GCFC2: variants seen among roughly 807,000 people sequenced by gnomAD.
GCFC2 encodes the protein intron Large complex component GCFC2.
Under a neutral mutation model 99.4 loss-of-function variants are expected in GCFC2, and 102 were observed. That is an observed-to-expected ratio of 1.03 (90% confidence interval 0.87 to 1.21). The LOEUF is 1.21. Ranked by LOEUF, GCFC2 falls within the 50% of genes most tolerant of loss-of-function variation. The pLI is 0.00. For missense variants in GCFC2, 973 were observed against 920.9 expected, an observed-to-expected ratio of 1.06 and a Z score of -0.73; for synonymous variants, 338 against 316.8, an observed-to-expected ratio of 1.07 and a Z score of -0.71.
intron 2 of GCFC2, among the ~76,000 whole-genome samples, chr2:75,705,635 A>AAAAG (rs1229249532): frequency 6.6e-6 from 1 of 151,002 alleles, no homozygotes; most frequent in Non-Finnish European, 1.5e-5. Flanking sequence ...AAAAAAAAAA[A>AAAAG]AAGAAGCACA....
intron 12 of GCFC2, among the ~76,000 whole-genome samples, chr2:75,679,544 A>C (rs1679480004): frequency 2.6e-5 from 4 of 152,250 alleles, no homozygotes. Context: ...TCATTGTAAG[A>C]TTAAGATCTG....
At chr2:75,676,166 A>G (rs1388417444) in intron 12 of GCFC2, among the ~76,000 whole-genome samples, 1 of 152,218 alleles carries the variant, frequency 6.6e-6, no homozygotes, top group Admixed American at 6.5e-5. Context: ...TAAAAAAGAA[A>G]AAACAAAAAA....
chr2:75,711,943 A>G (rs1315677980), upstream of GCFC2, among the ~76,000 whole-genome samples: 1 of 152,230 alleles, frequency 6.6e-6, no homozygotes, highest in African/African-American at 2.4e-5. Flanking sequence ...CGACCACCCA[A>G]GGGCTGAGGA....
At chr2:75,665,615 T>G (rs1558727483) in intron 16 of GCFC2, among the ~76,000 whole-genome samples, 1 of 152,164 alleles carries the variant, frequency 6.6e-6, no homozygotes. Flanking sequence ...AACTGTTGAG[T>G]CTCTAAAAAT....
intron 10 of GCFC2, 58 bp from the exon 11 acceptor site, chr2:75,688,035 A>C: frequency 9.5e-7 from 1 of 1,051,064 alleles, no homozygotes; most frequent in East Asian, 2.6e-5. Context: ...TGTATTTTTA[A>C]ATAGTTATTA....
At chr2:75,688,886 A>C (rs563395007) in intron 10 of GCFC2, 140 bp downstream of exon 10, 1 of 567,310 alleles carries the variant, frequency 1.8e-6, no homozygotes, top group African/African-American at 2.0e-5. Flanking sequence ...CCGAAAGCAC[A>C]CATTTTCTGA....
intron 6 of GCFC2, among the ~76,000 whole-genome samples, chr2:75,692,681 G>C (rs2104356336): frequency 6.6e-6 from 1 of 152,034 alleles, no homozygotes; most frequent in African/African-American, 2.4e-5. Context: ...AAATGGGATG[G>C]AGTCAGGAAC....
chr2:75,684,226 G>T (rs1427044166), intron 11 of GCFC2, among the ~76,000 whole-genome samples: 2 of 152,080 alleles, frequency 1.3e-5, no homozygotes, highest in Non-Finnish European at 2.9e-5. Flanking sequence ...CACATAATTG[G>T]AAGTAAAACA....
chr2:75,702,250 G>A lies in GCFC2; in HGVS notation c.568C>T (p.Pro190Ser). ...SEPDDHEKRI[P>S]FTLRPQTLRQ... Reference sequence around the variant, plus strand: ...AGTGTTTGAGGTCTTAGAGTAAATGGTATTCTCTTTTCATGGTCATCAGGC... The same window carrying A: ...AGTGTTTGAGGTCTTAGAGTAAATGATATTCTCTTTTCATGGTCATCAGGC... Residue 190 changes from proline (P) to serine (S), a missense_variant, in exon 3 of 17, where the codon CCA (proline) becomes TCA (serine). Pro to Ser is a moderately conservative substitution (Grantham distance 74). Transcript: ENST00000321027. The A allele has an allele frequency of 1.2e-6, 2 of 1,611,124 alleles. No individual in the cohort carries two copies. The highest frequency in any genetic ancestry group is 1.7e-6 in the Non-Finnish European group (2 of 1,177,296).
rs1680062214 is a variant in GCFC2, at chr2:75,691,392, T to C, written c.1144+585A>G. On this transcript the variant is annotated intron_variant, in intron 7 of 16. Coordinates refer to ENST00000321027, the MANE Select transcript of GCFC2 (RefSeq NM_003203.5). ...AGATTAGAGGGATTACTGTATTCTA[T>C]TCATATTATTTCTTATTTTAATACG... is the stretch of plus-strand genomic sequence containing the variant. Among the ~76,000 whole-genome samples, 6 of 152,294 alleles carry C rather than the reference T, an allele frequency of 3.9e-5. No individual in the cohort carries two copies. The South Asian group carries it at 1.2e-3, about 32-fold the overall frequency.
intron 10 of GCFC2, 21 bp from the exon 11 acceptor site, chr2:75,687,998 A>C: frequency 6.8e-7 from 1 of 1,464,478 alleles, no homozygotes. Context: ...AAATTACAAA[A>C]GTTATAAAGA....
At chr2:75,684,434 A>G (rs1458409402) in intron 11 of GCFC2, among the ~76,000 whole-genome samples, 1 of 152,234 alleles carries the variant, frequency 6.6e-6, no homozygotes, top group Non-Finnish European at 1.5e-5. Context: ...AAACCATGAG[A>G]ACAAACACAC....
At position 75,662,724 on chromosome 2, in the gene GCFC2, T is replaced by C. The variant is rs1258220973; in HGVS notation, c.*1942A>G. On this transcript the variant is annotated 3_prime_UTR_variant, in exon 17 of 17. Coordinates refer to ENST00000321027, the MANE Select transcript of GCFC2 (RefSeq NM_003203.5). ...AGTCAATTTGTAGTTTTGAAAGCAG[T>C]TTTAATATTTTATCTTCCACAAAAA... The C allele has an allele frequency of 6.6e-6, 1 of 152,106 alleles. No homozygotes were observed. The highest frequency in any genetic ancestry group is 1.5e-5 in the Non-Finnish European group (1 of 67,984). The allele number at this position is 152,106 out of a possible 1,614,324, so 9.4% of individuals were successfully genotyped here.
chr2:75,689,967 A>G lies in GCFC2; in HGVS notation c.1339+2T>C, dbSNP rs1014786916. On this transcript the variant is annotated splice_donor_variant, in intron 9 of 16. Transcript: ENST00000321027. LOFTEE classifies it high-confidence loss of function. ...TGATATATTAGAAACTTGGTAACTG[A>G]CCTTGGCTTTTTTGGAAGTCAATCA... 6.6e-7 allele frequency: 1 copy of G among 1,518,762 alleles called. No homozygotes were observed. Among genetic ancestry groups the G allele is most frequent in the Non-Finnish European group, 9.1e-7 (1 of 1,100,816 alleles). 94.1% of individuals were successfully genotyped at this position (1,518,762 alleles called of 1,614,324 possible).
In GCFC2 at chr2:75,663,250, C is replaced by A. The variant is rs1678692502; in HGVS notation, c.*1416G>T. The A allele has an allele frequency of 6.6e-6, 1 of 152,088 alleles. No homozygotes were observed. The highest frequency in any genetic ancestry group is 1.5e-5 in the Non-Finnish European group (1 of 67,998). The allele number at this position is 152,088 out of a possible 1,614,324, so 9.4% of individuals were successfully genotyped here. A position where few individuals can be genotyped will look rare whatever the true frequency, so the allele number is the denominator to read the frequency against. On this transcript the variant is annotated 3_prime_UTR_variant, in exon 17 of 17. Coordinates refer to ENST00000321027, the MANE Select transcript of GCFC2 (RefSeq NM_003203.5). ...AAGTAGGCTGTATATTCAAATCCTACAATATATTCAATTTTTTCCAATTAT... is the reference window on the plus strand; with the variant it reads ...AAGTAGGCTGTATATTCAAATCCTAAAATATATTCAATTTTTTCCAATTAT...
At chr2:75,695,226 T>C (rs1225369535) in intron 5 of GCFC2, among the ~76,000 whole-genome samples, 1 of 152,154 alleles carries the variant, frequency 6.6e-6, no homozygotes, top group Non-Finnish European at 1.5e-5. Context: ...TATGTTTACA[T>C]ATTGTCTATG....
rs532221965 is a variant in GCFC2, at chr2:75,706,554, G to A, written c.363C>T (p.Ser121=). Reference sequence around the variant, plus strand: ...ATGAAAGTTCTTTTTCTCCAAGAGAGCTAGAACTGTCAGAAGACAAACCCT... The same window carrying A: ...ATGAAAGTTCTTTTTCTCCAAGAGAACTAGAACTGTCAGAAGACAAACCCT... ...DDQGLSSDSS[S]SLGEKELSST... is the part of the protein sequence containing the mutation. The change falls in exon 2 of 17, where the codon AGC becomes AGT. Residue 121 remains serine, a synonymous_variant. Coordinates refer to ENST00000321027, the MANE Select transcript of GCFC2 (RefSeq NM_003203.5). The A allele has an allele frequency of 1.2e-6, 2 of 1,603,604 alleles. No individual in the cohort carries two copies. The highest frequency in any genetic ancestry group is 2.2e-5 in the East Asian group (1 of 44,732).
At chr2:75,671,032 C>T (rs1457287262) in intron 14 of GCFC2, among the ~76,000 whole-genome samples, 3 of 152,152 alleles carry the variant, frequency 2.0e-5, no homozygotes, top group Non-Finnish European at 4.4e-5. Context: ...TCACCTATAT[C>T]CTTCTAATTG....
At chr2:75,695,523 G>A (rs1037024733) in intron 5 of GCFC2, among the ~76,000 whole-genome samples, 5 of 151,946 alleles carry the variant, frequency 3.3e-5, no homozygotes, top group East Asian at 1.9e-4. Flanking sequence ...TTTTAACCAC[G>A]TAAAATATGT....
Sources: gnomAD v4.1 joint callset for allele counts (sites outside exome capture counted in the v4.1 genomes callset) on GRCh38, gnomAD v4.1.1 for gene constraint, MANE v1.5 for transcripts, NCBI Gene and HGNC (gene_info 2026-07-23, HGNC 2026-07-21) for gene names.